The following UBA3 variants were observed in gnomAD, a reference collection of about 807,000 sequenced individuals.
UBA3 encodes NEDD8-activating enzyme E1 catalytic subunit.
Under a neutral mutation model 73.5 loss-of-function variants are expected in UBA3, and 26 were observed. The observed-to-expected ratio is 0.35, with a 90% CI of 0.26 to 0.49. The LOEUF (loss-of-function observed/expected upper bound fraction) is 0.49, where lower values mean the gene tolerates loss of function less well. Ranked by LOEUF, UBA3 falls within the 20% of genes least tolerant of loss-of-function variation. The pLI, the probability that UBA3 is intolerant of heterozygous loss-of-function variation, is 0.98. For synonymous variants in UBA3, 217 were observed against 191.2 expected, an observed-to-expected ratio of 1.13 and a Z score of -1.11; for missense variants, 495 against 555.6, an observed-to-expected ratio of 0.89 and a Z score of 1.10.
intron 1 of UBA3, 81 bp downstream of exon 1, chr3:69,080,253 G>C: frequency 6.4e-7 from 1 of 1,561,248 alleles, no homozygotes; most frequent in Non-Finnish European, 8.7e-7. Context: ...GGGGACCCCG[G>C]GTGGCGGCGG....
intron 4 of UBA3, among the ~76,000 whole-genome samples, chr3:69,072,708 C>A (rs912502033): frequency 6.6e-6 from 1 of 152,164 alleles, no homozygotes; most frequent in Admixed American, 6.5e-5. Context: ...AAGATATAGA[C>A]CATCTAGCAG....
chr3:69,075,502 C>T lies in UBA3; in HGVS notation c.192G>A (p.Gln64=). 1 of 1,545,980 alleles carries T rather than the reference C, an allele frequency of 6.5e-7. No individual in the cohort carries two copies. Among genetic ancestry groups the T allele is most frequent in the African/African-American group, 1.4e-5 (1 of 70,818 alleles). ...GAACTTTACATGTATCTAACAAGAA[C>T]TGGAGAGACTGTAAAGAATGGAAAG... The part of the protein sequence containing the change: ...PDFEPSTESL[Q]FLLDTCKVLV... The change falls in exon 4 of 18, where the codon CAG becomes CAA. Residue 64 remains glutamine, a synonymous_variant. Transcript: ENST00000361055.
intron 11 of UBA3, among the ~76,000 whole-genome samples, chr3:69,059,002 G>C (rs1029797124): frequency 2.6e-5 from 4 of 152,198 alleles, no homozygotes; most frequent in African/African-American, 4.8e-5. Flanking sequence ...GAATTCGTTT[G>C]TTAATTCTAA....
At chr3:69,060,157 G>T (rs1056762580) in intron 11 of UBA3, among the ~76,000 whole-genome samples, 4 of 151,976 alleles carry the variant, frequency 2.6e-5, no homozygotes, top group Non-Finnish European at 5.9e-5. Flanking sequence ...AGAAATAAAG[G>T]ATATAATTAT....
chr3:69,065,005 A>T (rs150679000), intron 6 of UBA3, among the ~76,000 whole-genome samples: 2,041 of 152,266 alleles, frequency 0.013, 45 homozygotes, highest in African/African-American at 0.046. Flanking sequence ...AATAATTTCA[A>T]TTCTAGCCCT....
chr3:69,065,402 T>C (rs1307790499), intron 6 of UBA3, among the ~76,000 whole-genome samples: 3 of 152,208 alleles, frequency 2.0e-5, no homozygotes, highest in Admixed American at 2.0e-4. Flanking sequence ...ACCAAAACCA[T>C]GAACAGAACA....
intron 6 of UBA3, among the ~76,000 whole-genome samples, chr3:69,066,384 T>C (rs375328997): frequency 2.8e-4 from 43 of 152,270 alleles, no homozygotes; most frequent in African/African-American, 9.9e-4. Context: ...GTCTTGCTTT[T>C]GACGTGGCCT....
rs140550798 is a variant in UBA3, at chr3:69,056,225, T to A, written c.1142A>T (p.Lys381Ile). ...PQNIQFSPSA[K>I]LQEVLDYLTN... ...TAGATAATCCAAAACCTCCTGTAGT[T>A]TAGCTGATGGAGAAAACTGAATATT... The change falls in exon 15 of 18, where the codon AAA becomes ATA. Residue 381 changes from lysine (K) to isoleucine (I), a missense_variant. By Grantham distance (102) the Lys-to-Ile change is moderately radical (BLOSUM62 -3). Coordinates refer to ENST00000361055, the MANE Select transcript of UBA3 (RefSeq NM_003968.4). 100 of 1,604,472 alleles carry A rather than the reference T, an allele frequency of 6.2e-5. No homozygotes were observed. Among genetic ancestry groups the A allele is most frequent in the Non-Finnish European group, 7.6e-5 (90 of 1,177,350 alleles).
chr3:69,056,521 AATGT>A, intron 14 of UBA3, 87 bp downstream of exon 14: 1 of 1,157,706 alleles, frequency 8.6e-7, no homozygotes, highest in South Asian at 1.5e-5. Flanking sequence ...GAAGTTAGAA[AATGT>A]ATGGGTGACT....
intron 11 of UBA3, among the ~76,000 whole-genome samples, chr3:69,057,854 T>C (rs544402251): frequency 6.6e-6 from 1 of 151,360 alleles, no homozygotes; most frequent in African/African-American, 2.4e-5. Context: ...TGCCCTTTAT[T>C]ATCTTTTACT....
rs141058324 is a variant in UBA3 at position 69,054,938 on chromosome 3, G to A, written c.*499C>T. ...ACCATTTACAAATCATTATGAACAA[G>A]ATAAATTCTGCAATAATATTCATTT... On this transcript the variant is annotated 3_prime_UTR_variant, in exon 18 of 18. Coordinates refer to ENST00000361055, the MANE Select transcript of UBA3 (RefSeq NM_003968.4). 1 of 152,366 alleles carries A rather than the reference G, an allele frequency of 6.6e-6. No individual in the cohort carries two copies. Among genetic ancestry groups the A allele is most frequent in the Admixed American group, 6.5e-5 (1 of 15,294 alleles). The allele number at this position is 152,366 out of a possible 1,614,324, so 9.4% of individuals were successfully genotyped here.
chr3:69,061,840 C>T lies in UBA3; in HGVS notation c.884G>A (p.Arg295Lys). Residue 295 changes from arginine to lysine, a missense_variant, in exon 11 of 18, where the codon AGG (arginine) becomes AAG (lysine). Coordinates refer to ENST00000361055, the MANE Select transcript of UBA3 (RefSeq NM_003968.4). ...SLERASQYNI[R>K]GVTYRLTQGV... ...TTGAGTGAGCCTATACGTAACACCC[C>T]TAATATTATATTGTGATGCTCTCTC... 1 of 1,608,298 alleles carries T rather than the reference C, an allele frequency of 6.2e-7. No individual in the cohort carries two copies. The highest frequency in any genetic ancestry group is 8.5e-7 in the Non-Finnish European group (1 of 1,177,634).
rs1195608188 is a variant in UBA3, at chr3:69,069,275, A to G, written c.348-1267T>C. ...AAATAATAAATCGTGTGCTTATTAGAAAAAAATCTGAAATTTCAAAGAAAA... is the reference window on the plus strand; with the variant it reads ...AAATAATAAATCGTGTGCTTATTAGGAAAAAATCTGAAATTTCAAAGAAAA... On this transcript the variant is annotated intron_variant, in intron 5 of 17. Transcript: ENST00000361055. Among the ~76,000 whole-genome samples, 4 of 152,310 alleles carry G rather than the reference A, an allele frequency of 2.6e-5. No homozygotes were observed. In the East Asian group the frequency reaches 7.7e-4, roughly 29 times the overall value.
At chr3:69,061,598 T>A (rs1345761009) in intron 11 of UBA3, 3 of 429,848 alleles carry the variant, frequency 7.0e-6, no homozygotes, top group East Asian at 3.6e-5. Context: ...GAAGATAAAA[T>A]GGACAGTTTG....
At chr3:69,074,695 C>A (rs953183585) in intron 4 of UBA3, among the ~76,000 whole-genome samples, 1 of 152,162 alleles carries the variant, frequency 6.6e-6, no homozygotes, top group African/African-American at 2.4e-5. Context: ...TGCCTCTACT[C>A]ATTTGTTACA....
chr3:69,059,078 AAAAAAAGTATCTGC>A (rs1158832128), intron 11 of UBA3, among the ~76,000 whole-genome samples: 1 of 152,240 alleles, frequency 6.6e-6, no homozygotes, highest in Admixed American at 6.5e-5. Flanking sequence ...AGTAACAATG[AAAAAAAGTATCTGC>A]TCGTATAGTG....
rs780544392 is a variant in UBA3, at chr3:69,061,789, A to G, written c.910+25T>C. On this transcript the variant is annotated intron_variant, in intron 11 of 17. Coordinates refer to ENST00000361055, the MANE Select transcript of UBA3 (RefSeq NM_003968.4). ...CAGCCCTAAGTCATCCCAACATCAT[A>G]ATTCATGACAATTTGCTGACTTACC... 35 of 1,463,672 alleles carry G rather than the reference A, an allele frequency of 2.4e-5. No homozygotes were observed. In the Middle Eastern group the frequency reaches 7.1e-4, roughly 30 times the overall value. 90.7% of individuals were successfully genotyped at this position (1,463,672 alleles called of 1,614,324 possible).
chr3:69,064,974 C>T (rs894072144), intron 6 of UBA3, among the ~76,000 whole-genome samples: 1 of 151,982 alleles, frequency 6.6e-6, no homozygotes, highest in Non-Finnish European at 1.5e-5. Flanking sequence ...TTAATTCTTG[C>T]CTACAAATAA....
At chr3:69,057,155 C>G in intron 12 of UBA3, 101 bp downstream of exon 12, 2 of 1,203,596 alleles carry the variant, frequency 1.7e-6, no homozygotes, top group Non-Finnish European at 2.4e-6. Context: ...TTACACAACC[C>G]ATCCAAGAAG....
Sources: allele counts gnomAD v4.1 joint callset (sites outside exome capture counted in the v4.1 genomes callset), GRCh38; gene constraint gnomAD v4.1.1; transcripts MANE v1.5; gene names NCBI Gene and HGNC (gene_info 2026-07-23, HGNC 2026-07-21).